Variants in FOXP2 observed in about 807,000 individuals in gnomAD.
The protein encoded by FOXP2 is forkhead box P2.
Under a neutral mutation model 115.8 loss-of-function variants are expected in FOXP2, and 12 were observed. That is an observed-to-expected ratio of 0.10 (90% CI 0.07 to 0.17). The LOEUF (loss-of-function observed/expected upper bound fraction) is 0.17, where lower values mean the gene tolerates loss of function less well. Among genes scored for constraint, FOXP2 ranks in the 10% least tolerant of loss-of-function variants. The pLI, the probability that FOXP2 is intolerant of heterozygous loss-of-function variation, is 1.00. For missense variants in FOXP2, 629 were observed against 843.5 expected (o/e 0.75, Z 3.15); for synonymous variants, 328 against 297.7 (o/e 1.10, Z -1.05).
Position 114,691,943 on chromosome 7 carries a change from G to GAAAAAAAAAAAAAA in FOXP2, c.*2030_*2031insAAAAAAAAAAAAAA. ...TTCTACCTCTGCAAAAAAAAAAAAAGAAAAAAAAAAAAAGAAAAACATTAG... is the reference window on the plus strand; with the variant it reads ...TTCTACCTCTGCAAAAAAAAAAAAAGAAAAAAAAAAAAAAAAAAAAAAAAAAAGAAAAACATTAG... On this transcript the variant is annotated 3_prime_UTR_variant, in exon 17 of 17. Transcript: ENST00000350908. 1 of 364,112 alleles carries GAAAAAAAAAAAAAA rather than the reference G, an allele frequency of 2.7e-6. No individual in the cohort carries two copies. The allele number at this position is 364,112 out of a possible 1,614,324, so 22.6% of individuals were successfully genotyped here.
At chr7:114,321,463 G>A (rs1054506146) in intron 2 of FOXP2, among the ~76,000 whole-genome samples, 1 of 152,010 alleles carries the variant, frequency 6.6e-6, no homozygotes, top group African/African-American at 2.4e-5. Flanking sequence ...CTCCCAAAGT[G>A]CTGGGATTAC....
intron 2 of FOXP2, among the ~76,000 whole-genome samples, chr7:114,308,237 G>C (rs965108988): frequency 6.6e-6 from 1 of 152,056 alleles, no homozygotes; most frequent in Non-Finnish European, 1.5e-5. Context: ...ACCCACCTTG[G>C]TCCTCATAGG....
At chr7:114,100,362 T>C (rs1799750970) in intron 1 of FOXP2, among the ~76,000 whole-genome samples, 2 of 152,182 alleles carry the variant, frequency 1.3e-5, no homozygotes, top group Non-Finnish European at 2.9e-5. Flanking sequence ...CAGAACTAAA[T>C]ACCGTACTAT....
chr7:114,336,604 C>T (rs909921565), intron 2 of FOXP2, among the ~76,000 whole-genome samples: 1 of 151,402 alleles, frequency 6.6e-6, no homozygotes, highest in Non-Finnish European at 1.5e-5. Context: ...ACACTGGTGT[C>T]CTATCACCTC....
rs962838374 is a variant in FOXP2 at position 114,644,590 on chromosome 7, C to T, written c.990-95C>T. On this transcript the variant is annotated intron_variant, in intron 7 of 16. Transcript: ENST00000350908. ...TCTGAGCTGAATTGACCTGTTTTGA[C>T]CTGTTTGTCACTGATCGTAACCTGA... The T allele has an allele frequency of 8.0e-6, 8 of 998,894 alleles. No individual in the cohort carries two copies. In the African/African-American group the frequency reaches 1.3e-4, roughly 16 times the overall value. 61.9% of individuals were successfully genotyped at this position (998,894 alleles called of 1,614,324 possible). A position where few individuals can be genotyped will look rare whatever the true frequency, so the allele number is the denominator to read the frequency against.
intron 16 of FOXP2, among the ~76,000 whole-genome samples, chr7:114,671,810 T>A (rs1311173690): frequency 6.6e-6 from 1 of 152,230 alleles, no homozygotes; most frequent in Non-Finnish European, 1.5e-5. Context: ...TAAAGTCAAC[T>A]GTTATTTCAG....
At chr7:114,188,973 A>G (rs1793686736) in intron 1 of FOXP2, among the ~76,000 whole-genome samples, 1 of 152,214 alleles carries the variant, frequency 6.6e-6, no homozygotes, top group Non-Finnish European at 1.5e-5. Flanking sequence ...CAGCTTTCAG[A>G]GTAATTCATG....
At position 114,638,812 on chromosome 7, in the gene FOXP2, G is replaced by T. The variant is rs1049053650; in HGVS notation, c.776-3598G>T. 5.3e-5 allele frequency among the ~76,000 whole-genome samples: 8 copies of T among 152,002 alleles called. No homozygotes were observed. The East Asian group carries it at 1.5e-3, about 29-fold the overall frequency. The stretch of plus-strand genomic sequence containing the variant: ...TGCAGACATTTGAGGATCCACTGCC[G>T]CTAAAAGGAATTTTTTGACTTCTTT... On this transcript the variant is annotated intron_variant, in intron 6 of 16. Coordinates refer to ENST00000350908, the MANE Select transcript of FOXP2 (RefSeq NM_014491.4).
At chr7:114,686,602 G>A (rs1034585119) in intron 16 of FOXP2, among the ~76,000 whole-genome samples, 1 of 152,042 alleles carries the variant, frequency 6.6e-6, no homozygotes, top group African/African-American at 2.4e-5. Context: ...ATTTTGTCTT[G>A]TCTCATTGCT....
chr7:114,486,821 G>T (rs1478426499), intron 2 of FOXP2, among the ~76,000 whole-genome samples: 1 of 152,144 alleles, frequency 6.6e-6, no homozygotes, highest in East Asian at 1.9e-4. Context: ...TCACATCCAG[G>T]TCATGTTCCT....
chr7:114,508,586 G>A (rs1797931786), intron 2 of FOXP2, among the ~76,000 whole-genome samples: 1 of 151,976 alleles, frequency 6.6e-6, no homozygotes, highest in Admixed American at 6.6e-5. Context: ...AGAGGAGCAG[G>A]AAACCTAAAG....
Position 114,579,927 on chromosome 7 carries a change from G to A in FOXP2, c.258+45221G>A, listed in dbSNP as rs116695325. Among the ~76,000 whole-genome samples the A allele has an allele frequency of 5.4e-3, 817 of 152,288 alleles. 4 individuals are homozygous for A. Among genetic ancestry groups the A allele is most frequent in the African/African-American group, 0.016 (677 of 41,556 alleles). On this transcript the variant is annotated intron_variant, in intron 3 of 16. Transcript: ENST00000350908. The stretch of plus-strand genomic sequence containing the variant: ...CAAAAATCTATGCACTCTAAGGAGA[G>A]ATTCAATCATTGTACTGAGGAATTA...
At chr7:114,241,383 A>T (rs1327016090) in intron 1 of FOXP2, among the ~76,000 whole-genome samples, 1 of 152,094 alleles carries the variant, frequency 6.6e-6, no homozygotes, top group East Asian at 1.9e-4. Context: ...CAAGGAGCCA[A>T]AATCCAGGTA....
At chr7:114,347,641 A>G (rs1791379350) in intron 2 of FOXP2, among the ~76,000 whole-genome samples, 1 of 152,010 alleles carries the variant, frequency 6.6e-6, no homozygotes, top group Non-Finnish European at 1.5e-5. Flanking sequence ...AGTATTTTAT[A>G]CCTCAAGCAA....
intron 16 of FOXP2, chr7:114,668,842 T>A (rs575750617): frequency 6.6e-6 from 1 of 152,212 alleles, no homozygotes; most frequent in East Asian, 1.9e-4. Flanking sequence ...TTATGAAGAA[T>A]CAAATTGGAG....
chr7:114,526,928 C>T (rs940399426), intron 2 of FOXP2, among the ~76,000 whole-genome samples: 2 of 151,996 alleles, frequency 1.3e-5, no homozygotes, highest in African/African-American at 4.8e-5. Flanking sequence ...AAAAGAAACC[C>T]CATTCTCATT....
At chr7:114,097,923 C>G (rs1181726058) in intron 1 of FOXP2, among the ~76,000 whole-genome samples, 1 of 152,048 alleles carries the variant, frequency 6.6e-6, no homozygotes, top group South Asian at 2.1e-4. Context: ...TTGAAGAATC[C>G]TAGAGTTGAA....
intron 1 of FOXP2, among the ~76,000 whole-genome samples, chr7:114,425,462 T>C (rs1381729077): frequency 6.6e-6 from 1 of 151,602 alleles, no homozygotes; most frequent in African/African-American, 2.4e-5. Context: ...TACTGTGAAA[T>C]TCTGGTTTGT....
chr7:114,412,467 C>A (rs1275219509), upstream of FOXP2, among the ~76,000 whole-genome samples: 1 of 152,090 alleles, frequency 6.6e-6, no homozygotes, highest in African/African-American at 2.4e-5. Context: ...AATGGTTATA[C>A]ACTTCTTCCT....
Sources: allele counts gnomAD v4.1 joint callset (sites outside exome capture counted in the v4.1 genomes callset), GRCh38; gene constraint gnomAD v4.1.1; transcripts MANE v1.5; gene names NCBI Gene and HGNC (gene_info 2026-07-23, HGNC 2026-07-21).